The following MACROD2 variants were observed in gnomAD, a reference collection of about 807,000 sequenced individuals.
The protein encoded by MACROD2 is ADP-ribose glycohydrolase MACROD2.
MACROD2 carries 36 observed loss-of-function variants against 70.4 expected under a neutral mutation model. The ratio of observed to expected loss-of-function variants is 0.51; its 90% confidence interval spans 0.39 to 0.68. The LOEUF is 0.68. Among genes scored for constraint, MACROD2 ranks in the 30% least tolerant of loss-of-function variants. The pLI is 0.00. For synonymous variants in MACROD2, 172 were observed against 178.8 expected (o/e 0.96, Z 0.30); for missense variants, 496 against 538.4 (o/e 0.92, Z 0.78).
chr20:15,452,742 G>A (rs2046660165), intron 7 of MACROD2, among the ~76,000 whole-genome samples: 1 of 152,064 alleles, frequency 6.6e-6, no homozygotes. Context: ...GGTAGGTGGT[G>A]GAATGTTCTA....
intron 3 of MACROD2, among the ~76,000 whole-genome samples, chr20:14,457,142 A>C (rs1285727162): frequency 1.3e-5 from 2 of 152,076 alleles, no homozygotes; most frequent in Non-Finnish European, 2.9e-5. Context: ...TGGAGACATC[A>C]GGGGCTTTTT....
At chr20:14,446,256 C>A in intron 3 of MACROD2, among the ~76,000 whole-genome samples, 1 of 152,004 alleles carries the variant, frequency 6.6e-6, no homozygotes, top group East Asian at 1.9e-4. Flanking sequence ...TAAATATTTT[C>A]TGCTATTCAC....
chr20:15,822,738 T>C (rs566443011), intron 8 of MACROD2, among the ~76,000 whole-genome samples: 1 of 152,222 alleles, frequency 6.6e-6, no homozygotes, highest in East Asian at 1.9e-4. Context: ...CAATATCACA[T>C]GGAATATTCA....
In MACROD2 at chr20:15,490,221, CTCCCTTCCTTCCTCCCTTCCCT is replaced by C. The variant is rs756076752; in HGVS notation, c.572-9544_572-9523del. Among the ~76,000 whole-genome samples the C allele has an allele frequency of 4.2e-4, 60 of 142,850 alleles. 1 individual carries two copies. Among genetic ancestry groups the C allele is most frequent in the Non-Finnish European group, 7.3e-4 (48 of 65,984 alleles). 93.7% of individuals were successfully genotyped at this position (142,850 alleles called of 152,430 possible). A position where few individuals can be genotyped will look rare whatever the true frequency, so the allele number is the denominator to read the frequency against. Reference sequence around the variant, plus strand: ...TCCCTCCCCCTTCCTTCCTTCCTTCCTCCCTTCCTTCCTCCCTTCCCTTCCCTTCCCTTCCCTTCCCTTCTTT... The same window carrying C: ...TCCCTCCCCCTTCCTTCCTTCCTTCCTCCCTTCCCTTCCCTTCCCTTCTTT... On this transcript the variant is annotated intron_variant, in intron 7 of 17. Coordinates refer to ENST00000684519, the MANE Select transcript of MACROD2 (RefSeq NM_001351661.2).
intron 5 of MACROD2, among the ~76,000 whole-genome samples, chr20:15,165,867 C>A (rs981854112): frequency 2.0e-5 from 3 of 151,920 alleles, no homozygotes; most frequent in African/African-American, 7.3e-5. Flanking sequence ...ATAATATGCT[C>A]AAACTAGAAG....
At chr20:14,827,477 T>A (rs1451845540) in intron 5 of MACROD2, among the ~76,000 whole-genome samples, 1 of 152,052 alleles carries the variant, frequency 6.6e-6, no homozygotes, top group Non-Finnish European at 1.5e-5. Flanking sequence ...TCACAATAAC[T>A]CCTAGGTAGA....
intron 3 of MACROD2, among the ~76,000 whole-genome samples, chr20:14,085,929 C>T (rs1036413314): frequency 1.3e-5 from 2 of 152,128 alleles, no homozygotes; most frequent in South Asian, 4.1e-4. Context: ...GTACCCTCTA[C>T]AGTGAAAGGC....
chr20:14,928,312 T>C (rs1218333214), intron 5 of MACROD2, among the ~76,000 whole-genome samples: 1 of 152,226 alleles, frequency 6.6e-6, no homozygotes, highest in East Asian at 1.9e-4. Flanking sequence ...ATGAGTCATC[T>C]ACCTAGATGT....
chr20:15,243,512 AAC>A (rs1290534533), intron 6 of MACROD2, among the ~76,000 whole-genome samples: 1 of 152,134 alleles, frequency 6.6e-6, no homozygotes, highest in East Asian at 1.9e-4. Context: ...TTGCAGGAAT[AAC>A]ACACACACAT....
chr20:14,052,513 T>TA (rs2053581083), intron 2 of MACROD2, among the ~76,000 whole-genome samples: 1 of 152,172 alleles, frequency 6.6e-6, no homozygotes, highest in Non-Finnish European at 1.5e-5. Flanking sequence ...ACACTCTGAT[T>TA]TATTTCTCAG....
chr20:15,978,351 C>T (rs932340157), intron 13 of MACROD2, among the ~76,000 whole-genome samples: 5 of 152,172 alleles, frequency 3.3e-5, no homozygotes, highest in South Asian at 2.1e-4. Context: ...TACAGCCCTC[C>T]GGGTGGCATG....
chr20:15,679,930 C>T (rs2146855912), intron 8 of MACROD2, among the ~76,000 whole-genome samples: 2 of 152,288 alleles, frequency 1.3e-5, no homozygotes, highest in South Asian at 4.1e-4. Flanking sequence ...ATTTATTAAG[C>T]AGATATTGAC....
At chr20:15,921,400 C>T (rs192381618) in intron 10 of MACROD2, among the ~76,000 whole-genome samples, 343 of 152,312 alleles carry the variant, frequency 2.3e-3, no homozygotes, top group African/African-American at 8.1e-3. Flanking sequence ...TCGGCACTCC[C>T]GCCCCATAGG....
At chr20:15,781,625 T>A (rs1040149926) in intron 8 of MACROD2, among the ~76,000 whole-genome samples, 1 of 152,122 alleles carries the variant, frequency 6.6e-6, no homozygotes, top group Non-Finnish European at 1.5e-5. Context: ...GTCTGAAGTC[T>A]CTTTAATGGG....
intron 15 of MACROD2, among the ~76,000 whole-genome samples, chr20:16,028,485 G>T (rs1246611204): frequency 6.6e-6 from 1 of 151,900 alleles, no homozygotes; most frequent in Non-Finnish European, 1.5e-5. Context: ...TCTCAAAGAG[G>T]CATATGGAGG....
In MACROD2 at chr20:14,770,642, C is replaced by A. The variant is rs192703346; in HGVS notation, c.418+85683C>A. Among the ~76,000 whole-genome samples, 137 of 152,078 alleles carry A rather than the reference C, an allele frequency of 9.0e-4. 3 individuals are homozygous for A. The highest frequency in any genetic ancestry group is 3.2e-3 in the African/African-American group (131 of 41,450). ...CACAAAATAATAGTTAAATGCATTG[C>A]GTGCTGACTAGATCTGACTAGATTC... is the stretch of plus-strand genomic sequence containing the variant. On this transcript the variant is annotated intron_variant, in intron 5 of 17. Transcript: ENST00000684519.
intron 5 of MACROD2, among the ~76,000 whole-genome samples, chr20:14,957,059 T>C (rs904599292): frequency 6.6e-5 from 10 of 152,194 alleles, no homozygotes; most frequent in African/African-American, 2.4e-4. Context: ...ATTCAGAGAC[T>C]GATTTTTTAA....
At chr20:14,446,350 G>T (rs2084182075) in intron 3 of MACROD2, among the ~76,000 whole-genome samples, 1 of 152,098 alleles carries the variant, frequency 6.6e-6, no homozygotes, top group African/African-American at 2.4e-5. Flanking sequence ...GCATTAGTGT[G>T]TCTAACGTCA....
At chr20:15,331,030 G>A (rs1283329144) in intron 6 of MACROD2, among the ~76,000 whole-genome samples, 8 of 151,370 alleles carry the variant, frequency 5.3e-5, no homozygotes, top group Non-Finnish European at 1.2e-4. Flanking sequence ...CTTATGAAAA[G>A]AGAAAATCGT....
Sources: gnomAD v4.1 joint callset for allele counts (sites outside exome capture counted in the v4.1 genomes callset) on GRCh38, gnomAD v4.1.1 for gene constraint, MANE v1.5 for transcripts, NCBI Gene and HGNC (gene_info 2026-07-23, HGNC 2026-07-21) for gene names.